Variants in PHYHIPL observed in about 807,000 individuals in gnomAD.
The protein encoded by PHYHIPL is phytanoyl-CoA 2-hydroxylase interacting protein like, also known as phytanoyl-CoA hydroxylase-interacting protein-like.
PHYHIPL carries 9 observed loss-of-function variants against 33.4 expected under a neutral mutation model. The ratio of observed to expected loss-of-function variants is 0.27; its 90% CI spans 0.16 to 0.47. The LOEUF (loss-of-function observed/expected upper bound fraction) is 0.47. PHYHIPL is among the 20% of genes least tolerant of loss of function. The probability of loss-of-function intolerance (pLI) is 0.99; values close to 1 mark genes in which losing one functional copy is unlikely to be tolerated. For missense variants in PHYHIPL, 365 were observed against 460.7 expected, an observed-to-expected ratio of 0.79 and a Z score of 1.90; for synonymous variants, 153 against 154.1, an observed-to-expected ratio of 0.99 and a Z score of 0.05.
chr10:59,247,668 T>C lies in PHYHIPL; in HGVS notation c.*2077T>C, dbSNP rs778002770. ...TGATGAGGACCTCTAATAGTCTCAG[T>C]TTGGCTTTTATGTGCTTATATTCAT... is the stretch of plus-strand genomic sequence containing the variant. On this transcript the variant is annotated 3_prime_UTR_variant, in exon 5 of 5. Coordinates refer to ENST00000373880, the MANE Select transcript of PHYHIPL (RefSeq NM_032439.4). The C allele has an allele frequency of 6.2e-7, 1 of 1,613,610 alleles. No homozygotes were observed. The highest frequency in any genetic ancestry group is 8.5e-7 in the Non-Finnish European group (1 of 1,179,716).
At chr10:59,196,509 G>A (rs1471844725) in intron 1 of PHYHIPL, among the ~76,000 whole-genome samples, 3 of 149,770 alleles carry the variant, frequency 2.0e-5, no homozygotes, top group South Asian at 2.1e-4. Context: ...TCCACCTCCC[G>A]GGTTCACGCC....
At position 59,176,649 on chromosome 10, in the gene PHYHIPL, G is replaced by T; in HGVS notation, c.-205G>T. 1 of 528,398 alleles carries T rather than the reference G, an allele frequency of 1.9e-6. No homozygotes were observed. The highest frequency in any genetic ancestry group is 3.4e-6 in the Non-Finnish European group (1 of 298,278). 32.7% of individuals were successfully genotyped at this position (528,398 alleles called of 1,614,324 possible). A position where few individuals can be genotyped will look rare whatever the true frequency, so the allele number is the denominator to read the frequency against. On this transcript the variant is annotated 5_prime_UTR_variant, in exon 1 of 5. Coordinates refer to ENST00000373880, the MANE Select transcript of PHYHIPL (RefSeq NM_032439.4). ...GGGTCCTGCTCGGTCTCTCAGAGCC[G>T]CACACTCCGCGGAGCTCCTGCCACA...
At chr10:59,241,072 T>A (rs1840381763) in intron 4 of PHYHIPL, among the ~76,000 whole-genome samples, 1 of 152,170 alleles carries the variant, frequency 6.6e-6, no homozygotes. Flanking sequence ...GCAGTACGTA[T>A]AAATAAATAT....
intron 1 of PHYHIPL, among the ~76,000 whole-genome samples, chr10:59,187,518 G>T (rs1838645287): frequency 6.6e-6 from 1 of 152,084 alleles, no homozygotes; most frequent in African/African-American, 2.4e-5. Context: ...TTCTGTTGAT[G>T]GAAATAGTTT....
intron 4 of PHYHIPL, 166 bp downstream of exon 4, chr10:59,238,871 G>A (rs1475629176): frequency 3.8e-6 from 2 of 524,046 alleles, no homozygotes; most frequent in East Asian, 6.4e-5. Flanking sequence ...AAAAGATCAT[G>A]GGATTTTTTT....
At chr10:59,217,858 C>T (rs1203134718) in intron 1 of PHYHIPL, among the ~76,000 whole-genome samples, 1 of 151,972 alleles carries the variant, frequency 6.6e-6, no homozygotes, top group East Asian at 1.9e-4. Flanking sequence ...TTTAAGGATG[C>T]TTACCAGAAA....
intron 1 of PHYHIPL, among the ~76,000 whole-genome samples, chr10:59,179,211 A>C (rs1181052048): frequency 6.6e-6 from 1 of 152,172 alleles, no homozygotes; most frequent in Non-Finnish European, 1.5e-5. Context: ...TAAATTTGTC[A>C]AACAGACCTT....
At chr10:59,239,065 A>G (rs1840313623) in intron 4 of PHYHIPL, among the ~76,000 whole-genome samples, 1 of 151,870 alleles carries the variant, frequency 6.6e-6, no homozygotes, top group Admixed American at 6.6e-5. Context: ...AGACATTGAA[A>G]ATGAGAGTAT....
intron 1 of PHYHIPL, among the ~76,000 whole-genome samples, chr10:59,184,117 C>T (rs905936378): frequency 4.6e-5 from 7 of 152,102 alleles, no homozygotes; most frequent in Non-Finnish European, 1.0e-4. Context: ...TTAATGGCTG[C>T]ATTTTAGAGT....
intron 1 of PHYHIPL, among the ~76,000 whole-genome samples, chr10:59,189,195 CTCT>C (rs905764324): frequency 6.6e-6 from 1 of 151,862 alleles, no homozygotes; most frequent in African/African-American, 2.4e-5. Flanking sequence ...GTAAATGACC[CTCT>C]TATTTTTCTT....
intron 1 of PHYHIPL, among the ~76,000 whole-genome samples, chr10:59,231,997 C>G (rs1380895360): frequency 6.6e-6 from 1 of 151,944 alleles, no homozygotes; most frequent in Non-Finnish European, 1.5e-5. Flanking sequence ...ACTGAAATTA[C>G]AGAATTTCTT....
intron 2 of PHYHIPL, among the ~76,000 whole-genome samples, chr10:59,234,789 G>C (rs867146436): frequency 6.6e-6 from 1 of 151,706 alleles, no homozygotes; most frequent in African/African-American, 2.4e-5. Flanking sequence ...ACTTATTAAC[G>C]AGGAAACCGA....
At chr10:59,177,822 T>C (rs988697141) in intron 1 of PHYHIPL, among the ~76,000 whole-genome samples, 8 of 152,172 alleles carry the variant, frequency 5.3e-5, no homozygotes, top group Admixed American at 2.6e-4. Context: ...AAAACTTCAT[T>C]TGTAAAGAAA....
chr10:59,191,393 A>C (rs1838780394), intron 1 of PHYHIPL, among the ~76,000 whole-genome samples: 1 of 151,950 alleles, frequency 6.6e-6, no homozygotes, highest in South Asian at 2.1e-4. Context: ...ACATTTGATA[A>C]GGTTTTCTCT....
At chr10:59,202,850 T>A (rs1839160056) in intron 1 of PHYHIPL, among the ~76,000 whole-genome samples, 1 of 152,178 alleles carries the variant, frequency 6.6e-6, no homozygotes, top group Non-Finnish European at 1.5e-5. Context: ...ATAAAATCAA[T>A]AAGTACCTTA....
intron 1 of PHYHIPL, among the ~76,000 whole-genome samples, chr10:59,190,303 C>T (rs904729941): frequency 1.3e-5 from 2 of 151,696 alleles, no homozygotes; most frequent in African/African-American, 4.8e-5. Flanking sequence ...AGTCATCTGG[C>T]CTTTTCAGGA....
intron 1 of PHYHIPL, among the ~76,000 whole-genome samples, chr10:59,201,127 C>G (rs1006256755): frequency 6.6e-6 from 1 of 152,156 alleles, no homozygotes; most frequent in Admixed American, 6.5e-5. Flanking sequence ...TCTTGCTTCT[C>G]TAGTTCTTTT....
At chr10:59,219,266 A>T (rs1162490107) in intron 1 of PHYHIPL, 1 of 929,136 alleles carries the variant, frequency 1.1e-6, no homozygotes, top group East Asian at 1.2e-4. Flanking sequence ...TTAGGAATAA[A>T]TTGCTGTAGT....
At chr10:59,197,693 A>G (rs913461597) in intron 1 of PHYHIPL, among the ~76,000 whole-genome samples, 1 of 152,122 alleles carries the variant, frequency 6.6e-6, no homozygotes, top group African/African-American at 2.4e-5. Flanking sequence ...CTTTGAGTCA[A>G]CACTTTACTT....
Sources: gnomAD v4.1 joint callset for allele counts (sites outside exome capture counted in the v4.1 genomes callset) on GRCh38, gnomAD v4.1.1 for gene constraint, MANE v1.5 for transcripts, NCBI Gene and HGNC (gene_info 2026-07-23, HGNC 2026-07-21) for gene names.